The following GFM2 variants were observed in gnomAD, a reference collection of about 807,000 sequenced individuals.
GFM2 encodes ribosome-releasing factor 2, mitochondrial.
Under a neutral mutation model 95.4 loss-of-function variants are expected in GFM2, and 72 were observed. The ratio of observed to expected loss-of-function variants is 0.76; its 90% CI spans 0.62 to 0.92. The LOEUF is 0.92. Ranked by LOEUF, GFM2 falls within the 40% of genes least tolerant of loss-of-function variation. GFM2 has a pLI of 0.00. For missense variants in GFM2, 825 were observed against 924.1 expected (o/e 0.89, Z 1.39); for synonymous variants, 276 against 317.5 (o/e 0.87, Z 1.39).
rs1252978255 is a variant in GFM2 at position 74,721,233 on chromosome 5, T to C, written c.*422A>G. On this transcript the variant is annotated 3_prime_UTR_variant, in exon 21 of 21. Transcript: ENST00000296805. ...TACTACAATCAACTTTATTTTGAAA[T>C]CATGTAAAATAAGATATTAGACTGT... The C allele has an allele frequency of 3.1e-6, 4 of 1,300,462 alleles. No individual in the cohort carries two copies. The highest frequency in any genetic ancestry group is 4.5e-6 in the Non-Finnish European group (4 of 895,132). 80.6% of individuals were successfully genotyped at this position (1,300,462 alleles called of 1,614,324 possible).
At chr5:74,725,862 A>G in intron 18 of GFM2, 79 bp downstream of exon 18, 1 of 1,477,068 alleles carries the variant, frequency 6.8e-7, no homozygotes, top group South Asian at 1.2e-5. Context: ...TAGGAAAAAG[A>G]CTGAAATAAT....
chr5:74,741,669 G>A lies in GFM2; in HGVS notation c.850-60C>T, dbSNP rs933919907. ...ATTTACTTTCATTAACTATTAATTT[G>A]TCCAAACACCATAAACAGACAATAT... is the stretch of plus-strand genomic sequence containing the variant. On this transcript the variant is annotated intron_variant, in intron 10 of 20. Transcript: ENST00000296805. 1.2e-5 allele frequency: 10 copies of A among 860,516 alleles called. No homozygotes were observed. In the East Asian group the frequency reaches 2.6e-4, roughly 22 times the overall value. 53.3% of individuals were successfully genotyped at this position (860,516 alleles called of 1,614,324 possible).
At chr5:74,724,409 T>A (rs1342465610) in intron 19 of GFM2, among the ~76,000 whole-genome samples, 1 of 151,426 alleles carries the variant, frequency 6.6e-6, no homozygotes, top group Non-Finnish European at 1.5e-5. Flanking sequence ...AGGCCGAGGT[T>A]GGCAGACTGC....
chr5:74,757,979 A>G (rs1456103796), intron 5 of GFM2, among the ~76,000 whole-genome samples: 1 of 152,172 alleles, frequency 6.6e-6, no homozygotes, highest in African/African-American at 2.4e-5. Flanking sequence ...TAGAATTTCA[A>G]TTTTGAAAGA....
In GFM2 at chr5:74,763,719, A is replaced by T; in HGVS notation, c.24T>A (p.Phe8Leu). The T allele has an allele frequency of 6.2e-7, 1 of 1,606,718 alleles. No individual in the cohort carries two copies. Reference sequence around the variant, plus strand: ...TGGGTATTGTCTGATGACTCATTGCAAATATCCTCAAGTTGGTCAACATCT... The same window carrying T: ...TGGGTATTGTCTGATGACTCATTGCTAATATCCTCAAGTTGGTCAACATCT... The part of the protein sequence containing the change: MLTNLRI[F>L]AMSHQTIPSV... Residue 8 changes from phenylalanine (F) to leucine (L), a missense_variant, in exon 2 of 21, where the codon TTT becomes TTA. Phe to Leu is a conservative substitution (Grantham distance 22). Coordinates refer to ENST00000296805, the MANE Select transcript of GFM2 (RefSeq NM_032380.5).
intron 6 of GFM2, 74 bp from the exon 7 acceptor site, chr5:74,750,741 A>C: frequency 1.5e-5 from 15 of 1,027,162 alleles, no homozygotes; most frequent in Non-Finnish European, 1.7e-5. Context: ...CTCACATCTC[A>C]CTCCTGGGGA....
intron 19 of GFM2, among the ~76,000 whole-genome samples, chr5:74,724,471 C>T (rs1750057552): frequency 7.9e-6 from 1 of 126,572 alleles, no homozygotes; most frequent in Non-Finnish European, 1.6e-5. Context: ...GACCTTGTCT[C>T]TTAAAAAAAA....
At chr5:74,747,325 CT>C (rs1743438036) in intron 8 of GFM2, among the ~76,000 whole-genome samples, 1 of 152,182 alleles carries the variant, frequency 6.6e-6, no homozygotes, top group African/African-American at 2.4e-5. Flanking sequence ...AAACAGTTCT[CT>C]ATTCTCTATC....
intron 15 of GFM2, among the ~76,000 whole-genome samples, chr5:74,734,842 G>A (rs2112248409): frequency 6.6e-6 from 1 of 152,122 alleles, no homozygotes; most frequent in Non-Finnish European, 1.5e-5. Flanking sequence ...CTTCCTCTTG[G>A]GGGCTTAGGA....
At chr5:74,722,352 T>C (rs375258233) in intron 20 of GFM2, 27 bp downstream of exon 20, 33 of 1,562,818 alleles carry the variant, frequency 2.1e-5, no homozygotes, top group Non-Finnish European at 3.5e-6. Context: ...AAGAAGAATA[T>C]GTACTTTTCA....
At chr5:74,739,626 T>C (rs577313087) in intron 12 of GFM2, among the ~76,000 whole-genome samples, 10 of 152,284 alleles carry the variant, frequency 6.6e-5, no homozygotes, top group Admixed American at 1.3e-4. Context: ...TGACCTTTCT[T>C]TATAGCCACA....
intron 20 of GFM2, 42 bp downstream of exon 20, chr5:74,722,337 G>A: frequency 6.7e-7 from 1 of 1,491,246 alleles, no homozygotes; most frequent in East Asian, 2.3e-5. Context: ...AATATCCCCT[G>A]AATTAAGAAG....
At chr5:74,726,307 A>G (rs1048654177) in intron 17 of GFM2, among the ~76,000 whole-genome samples, 181 bp from the exon 18 acceptor site, 72 of 152,214 alleles carry the variant, frequency 4.7e-4, no homozygotes, top group African/African-American at 1.7e-3. Flanking sequence ...CCAACAAAGC[A>G]TCTGCTTCTG....
At chr5:74,739,632 C>A (rs1409954783) in intron 12 of GFM2, among the ~76,000 whole-genome samples, 1 of 152,064 alleles carries the variant, frequency 6.6e-6, no homozygotes, top group Non-Finnish European at 1.5e-5. Flanking sequence ...TTCTTTATAG[C>A]CACAAAATAT....
At position 74,767,063 on chromosome 5, in the gene GFM2, T is replaced by A; in HGVS notation, c.-150A>T. ...GCCAGCCTAGGCAAAAGGCAATGTA[T>A]CTAAACGAAAAGAAAATAGGCTTTC... On this transcript the variant is annotated 5_prime_UTR_variant, in exon 1 of 21. Transcript: ENST00000296805. 4.8e-6 allele frequency: 2 copies of A among 416,108 alleles called. No individual in the cohort carries two copies. The highest frequency in any genetic ancestry group is 8.9e-6 in the Non-Finnish European group (2 of 224,628). 25.8% of individuals were successfully genotyped at this position (416,108 alleles called of 1,614,324 possible).
intron 7 of GFM2, among the ~76,000 whole-genome samples, chr5:74,749,212 G>A (rs758630610): frequency 2.0e-5 from 3 of 151,644 alleles, no homozygotes; most frequent in South Asian, 2.1e-4. Flanking sequence ...ATGGGGTTTC[G>A]CCATGTTGCT....
chr5:74,755,565 T>C (rs1310634871), intron 5 of GFM2, among the ~76,000 whole-genome samples: 1 of 151,916 alleles, frequency 6.6e-6, no homozygotes. Context: ...ACCACAGAAA[T>C]ACAAAAGATC....
intron 7 of GFM2, among the ~76,000 whole-genome samples, chr5:74,749,888 A>G (rs1743606056): frequency 6.6e-6 from 1 of 152,190 alleles, no homozygotes; most frequent in Non-Finnish European, 1.5e-5. Context: ...GGCTGTAAAG[A>G]TATTTTTCTT....
intron 16 of GFM2, among the ~76,000 whole-genome samples, chr5:74,731,293 C>T (rs1561239020): frequency 1.3e-5 from 2 of 152,180 alleles, no homozygotes; most frequent in Non-Finnish European, 2.9e-5. Flanking sequence ...CTAGCTTGAA[C>T]CTTCATATGA....
Sources: gnomAD v4.1 joint callset for allele counts (sites outside exome capture counted in the v4.1 genomes callset) on GRCh38, gnomAD v4.1.1 for gene constraint, MANE v1.5 for transcripts, NCBI Gene and HGNC (gene_info 2026-07-23, HGNC 2026-07-21) for gene names.